LRP1B: variants seen among roughly 807,000 people sequenced by gnomAD.
LRP1B encodes LDL receptor related protein 1B.
Under a neutral mutation model 556.6 loss-of-function variants are expected in LRP1B, and 217 were observed. The ratio of observed to expected loss-of-function variants is 0.39; its 90% CI spans 0.35 to 0.44. The LOEUF is 0.44. LRP1B is among the 20% of genes least tolerant of loss of function. LRP1B has a pLI of 1.00. For synonymous variants in LRP1B, 2,047 were observed against 1,865.8 expected, an observed-to-expected ratio of 1.10 and a Z score of -2.50; for missense variants, 5,053 against 5,620.8, an observed-to-expected ratio of 0.90 and a Z score of 3.23.
intron 24 of LRP1B, among the ~76,000 whole-genome samples, 193 bp downstream of exon 24, chr2:140,885,945 C>G (rs896783446): frequency 1.3e-5 from 2 of 151,370 alleles, no homozygotes; most frequent in African/African-American, 4.9e-5. Flanking sequence ...GTGAACAGCA[C>G]GAGCGTCACC....
At chr2:141,203,718 C>A (rs560719804) in intron 6 of LRP1B, among the ~76,000 whole-genome samples, 85 of 152,314 alleles carry the variant, frequency 5.6e-4, no homozygotes, top group Admixed American at 4.8e-3. Flanking sequence ...CCCAAATCAA[C>A]AGAATATACA....
chr2:141,479,339 G>T (rs757893363), intron 3 of LRP1B, among the ~76,000 whole-genome samples: 49 of 152,236 alleles, frequency 3.2e-4, no homozygotes, highest in Non-Finnish European at 6.2e-4. Flanking sequence ...TTAAAAAATA[G>T]CATCTGACTT....
At chr2:141,388,919 A>G (rs1689946340) in intron 3 of LRP1B, among the ~76,000 whole-genome samples, 1 of 152,190 alleles carries the variant, frequency 6.6e-6, no homozygotes, top group African/African-American at 2.4e-5. Flanking sequence ...AGAAAAAAAT[A>G]ACTAGGAATA....
At chr2:140,452,948 T>C (rs1354543636) in intron 62 of LRP1B, among the ~76,000 whole-genome samples, 1 of 82,554 alleles carries the variant, frequency 1.2e-5, no homozygotes, top group Non-Finnish European at 2.7e-5. Context: ...ATGTCTGTTG[T>C]GTGTGTGTGT....
chr2:141,672,887 A>T (rs1690726725), intron 2 of LRP1B, among the ~76,000 whole-genome samples: 1 of 152,204 alleles, frequency 6.6e-6, no homozygotes, highest in Admixed American at 6.5e-5. Context: ...GAAGGTTTCC[A>T]GTCTCTGAAT....
chr2:141,370,930 A>G (rs959045295), intron 3 of LRP1B, among the ~76,000 whole-genome samples: 1 of 152,026 alleles, frequency 6.6e-6, no homozygotes, highest in African/African-American at 2.4e-5. Flanking sequence ...AGTATTTCCA[A>G]GTTTGGCAAA....
At position 140,995,893 on chromosome 2, in the gene LRP1B, T is replaced by C. The variant is rs138353436; in HGVS notation, c.2504-1758A>G. Among the ~76,000 whole-genome samples, 629 of 152,124 alleles carry C rather than the reference T, an allele frequency of 4.1e-3. 5 individuals carry two copies. The highest frequency in any genetic ancestry group is 0.014 in the African/African-American group (590 of 41,538). ...TTCTCCTGTATCTAAGTGAATTAAA[T>C]AGTTTAGAAAGAGAAGAGAATATGT... On this transcript the variant is annotated intron_variant, in intron 15 of 90. Coordinates refer to ENST00000389484, the MANE Select transcript of LRP1B (RefSeq NM_018557.3).
chr2:140,685,602 C>T (rs911812156), intron 41 of LRP1B, among the ~76,000 whole-genome samples: 2 of 152,114 alleles, frequency 1.3e-5, no homozygotes, highest in African/African-American at 4.8e-5. Flanking sequence ...GGTTCATATT[C>T]CCTTCCCTGA....
intron 31 of LRP1B, among the ~76,000 whole-genome samples, chr2:140,817,368 G>T (rs1691160165): frequency 1.3e-5 from 2 of 151,672 alleles, no homozygotes; most frequent in African/African-American, 4.8e-5. Flanking sequence ...TATATGAAAA[G>T]AAAAATTTAT....
At chr2:141,159,802 T>C (rs772377490) in intron 7 of LRP1B, among the ~76,000 whole-genome samples, 5 of 152,178 alleles carry the variant, frequency 3.3e-5, no homozygotes, top group Non-Finnish European at 5.9e-5. Context: ...GTTAAAAATA[T>C]ATGGCAATAA....
rs13021528 is a variant in LRP1B at position 140,995,941 on chromosome 2, G to T, written c.2504-1806C>A. ...TGTGGCAATCAAGGGTTAAAGTAAA[G>T]AATTTGTGTTTCATGGACTGTAAAA... On this transcript the variant is annotated intron_variant, in intron 15 of 90. Transcript: ENST00000389484. Among the ~76,000 whole-genome samples the T allele has an allele frequency of 4.6e-5, 7 of 152,084 alleles. No individual in the cohort carries two copies. The East Asian group carries it at 1.4e-3, about 30-fold the overall frequency.
intron 39 of LRP1B, 109 bp downstream of exon 39, chr2:140,702,032 T>C: frequency 7.2e-7 from 1 of 1,379,848 alleles, no homozygotes; most frequent in Middle Eastern, 1.9e-4. Context: ...ACTGGCTTTG[T>C]GAGTTCCTTT....
At chr2:140,639,010 A>G (rs2105293611) in intron 41 of LRP1B, among the ~76,000 whole-genome samples, 1 of 152,058 alleles carries the variant, frequency 6.6e-6, no homozygotes, top group Non-Finnish European at 1.5e-5. Context: ...ATTTCTTGCC[A>G]GTTGCTTATT....
At chr2:141,517,027 A>G (rs868845290) in intron 2 of LRP1B, among the ~76,000 whole-genome samples, 37 of 136,984 alleles carry the variant, frequency 2.7e-4, no homozygotes, top group African/African-American at 1.1e-3. Context: ...AAAAAAAAAA[A>G]AAAAAGTAAA....
intron 1 of LRP1B, among the ~76,000 whole-genome samples, chr2:142,021,276 G>C (rs1703321244): frequency 6.6e-6 from 1 of 151,934 alleles, no homozygotes; most frequent in Admixed American, 6.6e-5. Flanking sequence ...ATGTTGAATA[G>C]ATTTTTGAGA....
At chr2:141,484,507 T>C (rs995678777) in intron 2 of LRP1B, among the ~76,000 whole-genome samples, 40 of 152,212 alleles carry the variant, frequency 2.6e-4, no homozygotes, top group African/African-American at 8.9e-4. Flanking sequence ...AAGAAAGTCA[T>C]TGGTAACTTG....
At position 140,597,338 on chromosome 2, in the gene LRP1B, T is replaced by A. The variant is rs1162371239; in HGVS notation, c.7194+1293A>T. 3.3e-5 allele frequency among the ~76,000 whole-genome samples: 5 copies of A among 152,216 alleles called. No individual in the cohort carries two copies. The East Asian group carries it at 9.7e-4, about 29-fold the overall frequency. On this transcript the variant is annotated intron_variant, in intron 43 of 90. Transcript: ENST00000389484. ...TAGCTATAATTACCATACATAAGAA[T>A]AAATGGGTGGGGAAGTGCAAAATAG...
intron 7 of LRP1B, among the ~76,000 whole-genome samples, chr2:141,096,691 A>AGGG (rs1372627134): frequency 9.7e-6 from 1 of 103,428 alleles, no homozygotes; most frequent in Non-Finnish European, 2.1e-5. Flanking sequence ...AGAGAGAGAG[A>AGGG]AAATAAATAA....
intron 20 of LRP1B, among the ~76,000 whole-genome samples, chr2:140,945,112 C>G (rs1207117425): frequency 6.6e-6 from 1 of 152,078 alleles, no homozygotes; most frequent in Non-Finnish European, 1.5e-5. Context: ...TAATAGCATT[C>G]AAGCTGAGAG....
Sources: allele counts gnomAD v4.1 joint callset (sites outside exome capture counted in the v4.1 genomes callset), GRCh38; gene constraint gnomAD v4.1.1; transcripts MANE v1.5; gene names NCBI Gene and HGNC (gene_info 2026-07-23, HGNC 2026-07-21).